Variants in PCDH11Y observed in about 807,000 individuals in gnomAD.
PCDH11Y encodes the protein protocadherin 11 Y-linked.
For missense variants in PCDH11Y, 12 were observed against 224.8 expected, an observed-to-expected ratio of 0.05 and a Z score of 6.05; for synonymous variants, 9 against 83.6, an observed-to-expected ratio of 0.11 and a Z score of 4.87.
intron 2 of PCDH11Y, among the ~76,000 whole-genome samples, chrY:5,396,827 G>A: frequency 3.1e-5 from 1 of 32,041 alleles, no homozygotes; most frequent in Middle Eastern, 0.014. Flanking sequence ...TGTGATCTCA[G>A]CTCACTGTAA....
At chrY:5,132,439 A>G (rs1198917461) in intron 2 of PCDH11Y, among the ~76,000 whole-genome samples, 1 of 30,785 alleles carries the variant, frequency 3.2e-5, no homozygotes, top group Non-Finnish European at 7.9e-5. Context: ...ATATCTTACT[A>G]TTTGAACCTG....
chrY:5,267,231 A>C (rs1602896672), intron 2 of PCDH11Y, among the ~76,000 whole-genome samples: 1 of 8,142 alleles, frequency 1.2e-4, no homozygotes, highest in Non-Finnish European at 2.3e-4. Context: ...TTTGAGAGGG[A>C]GTCTTACTCT....
intron 3 of PCDH11Y, among the ~76,000 whole-genome samples, chrY:5,046,119 G>A (rs2124625756): frequency 2.9e-5 from 1 of 34,361 alleles, no homozygotes; most frequent in South Asian, 6.5e-4. Context: ...GCTCGTCAAA[G>A]TCATTCTCTG....
intron 4 of PCDH11Y, among the ~76,000 whole-genome samples, chrY:5,620,279 T>G (rs1602952598): frequency 1.4e-4 from 4 of 29,625 alleles, no homozygotes; most frequent in African/African-American, 5.2e-4. Context: ...AATCCCTCTA[T>G]ACACATAAAC....
chrY:5,107,798 G>T (rs2052793171), downstream of PCDH11Y, among the ~76,000 whole-genome samples: 1 of 33,415 alleles, frequency 3.0e-5, no homozygotes, highest in African/African-American at 1.2e-4. Flanking sequence ...GGTGGCTCAC[G>T]CCTGTAATCC....
At chrY:5,421,020 C>A (rs1602922855) in intron 2 of PCDH11Y, among the ~76,000 whole-genome samples, 1 of 28,070 alleles carries the variant, frequency 3.6e-5, no homozygotes, top group Non-Finnish European at 8.2e-5. Context: ...AGCCTGGCCA[C>A]CATGGTGAAA....
At chrY:5,535,715 G>A (rs2053399420) in intron 3 of PCDH11Y, among the ~76,000 whole-genome samples, 1 of 32,277 alleles carries the variant, frequency 3.1e-5, no homozygotes, top group Admixed American at 2.8e-4. Context: ...TATTTTTTTC[G>A]TCTAATGACT....
intron 4 of PCDH11Y, among the ~76,000 whole-genome samples, chrY:5,731,428 T>C: frequency 3.0e-5 from 1 of 32,911 alleles, no homozygotes; most frequent in South Asian, 6.8e-4. Context: ...GTGTTTATAT[T>C]TTCTGAGGAT....
intron 2 of PCDH11Y, among the ~76,000 whole-genome samples, chrY:5,240,029 T>C (rs2052986392): frequency 2.9e-5 from 1 of 34,262 alleles, no homozygotes; most frequent in African/African-American, 1.1e-4. Context: ...TCAATCCTTT[T>C]ATACCCTGCC....
At chrY:5,718,284 G>T in intron 4 of PCDH11Y, among the ~76,000 whole-genome samples, 1 of 32,920 alleles carries the variant, frequency 3.0e-5, no homozygotes, top group Non-Finnish European at 7.5e-5. Flanking sequence ...ATGCTTGAGG[G>T]GATGGATAAC....
intron 3 of PCDH11Y, among the ~76,000 whole-genome samples, chrY:5,038,984 T>C (rs2052603197): frequency 3.0e-5 from 1 of 33,102 alleles, no homozygotes; most frequent in Non-Finnish European, 7.4e-5. Context: ...AACAGAACTT[T>C]CTGTCATAAT....
intron 1 of PCDH11Y, among the ~76,000 whole-genome samples, chrY:5,020,028 A>G (rs2052567015): frequency 3.9e-5 from 1 of 25,518 alleles, no homozygotes; most frequent in Non-Finnish European, 8.4e-5. Context: ...TGTTTTCCTT[A>G]TCATATATCA....
chrY:5,315,188 C>G (rs2053105879), intron 2 of PCDH11Y, among the ~76,000 whole-genome samples: 1 of 32,385 alleles, frequency 3.1e-5, no homozygotes, highest in African/African-American at 1.2e-4. Flanking sequence ...GGAGGCTAGG[C>G]CTTCAGGTTT....
intron 4 of PCDH11Y, among the ~76,000 whole-genome samples, chrY:5,615,976 T>G: frequency 1.2e-4 from 4 of 33,905 alleles, no homozygotes; most frequent in Admixed American, 1.1e-3. Context: ...ACCGCAGGTA[T>G]GTTAAGTAAC....
intron 2 of PCDH11Y, among the ~76,000 whole-genome samples, chrY:5,241,095 A>G: frequency 9.6e-5 from 3 of 31,370 alleles, no homozygotes; most frequent in African/African-American, 3.8e-4. Context: ...TATTATGGAG[A>G]TGGCTTCTTT....
intron 1 of PCDH11Y, among the ~76,000 whole-genome samples, chrY:5,086,297 C>A (rs2052730560): frequency 3.1e-5 from 1 of 32,353 alleles, no homozygotes; most frequent in Admixed American, 2.9e-4. Context: ...TGTTAAATTT[C>A]TCTGATAGAA....
In PCDH11Y at chrY:5,352,874, G is replaced by A. The variant is rs1602909730; in HGVS notation, c.3130-148183G>A. ...TACATCTCTACACTCACTCTCCTTG[G>A]ATTTCAGTCAGTATGGAATACACCT... is the stretch of plus-strand genomic sequence containing the variant. On this transcript the variant is annotated intron_variant, in intron 2 of 4. Coordinates refer to the PCDH11Y transcript ENST00000400457. Among the ~76,000 whole-genome samples, 6 of 32,392 alleles carry A rather than the reference G, an allele frequency of 1.9e-4. No individual in the cohort carries two copies. In the East Asian group the frequency reaches 4.8e-3, roughly 26 times the overall value. The allele number at this position is 32,392 out of a possible 37,273, so 86.9% of individuals were successfully genotyped here.
At chrY:5,641,581 G>C in intron 4 of PCDH11Y, among the ~76,000 whole-genome samples, 2 of 33,020 alleles carry the variant, frequency 6.1e-5, no homozygotes, top group East Asian at 1.6e-3. Flanking sequence ...TTTATTGATT[G>C]TTCGCCCTCT....
intron 2 of PCDH11Y, among the ~76,000 whole-genome samples, chrY:5,390,965 G>GT (rs2053220602): frequency 3.3e-5 from 1 of 30,351 alleles, no homozygotes; most frequent in Non-Finnish European, 7.9e-5. Flanking sequence ...GCTGACCACT[G>GT]TTTTTTATTT....
Sources: allele counts gnomAD v4.1 joint callset (sites outside exome capture counted in the v4.1 genomes callset), GRCh38; gene constraint gnomAD v4.1.1; transcripts MANE v1.5; gene names NCBI Gene and HGNC (gene_info 2026-07-23, HGNC 2026-07-21).